The following PVT1 variants were observed in gnomAD, a reference collection of about 807,000 sequenced individuals.
The protein encoded by PVT1 is CXCR4/PVT1 fusion.
At chr8:128,048,085 C>G (rs894531256) in intron 4 of PVT1, among the ~76,000 whole-genome samples, 1 of 152,200 alleles carries the variant, frequency 6.6e-6, no homozygotes, top group African/African-American at 2.4e-5. Flanking sequence ...GTTACGTGAA[C>G]TTCTGCATTC....
chr8:127,894,859 A>G (rs935235727), intron 3 of PVT1, among the ~76,000 whole-genome samples: 1 of 152,210 alleles, frequency 6.6e-6, no homozygotes, highest in African/African-American at 2.4e-5. Flanking sequence ...CTTGAGTAGT[A>G]GCTCTGTGTC....
chr8:128,024,815 G>C (rs1257170988), intron 4 of PVT1, among the ~76,000 whole-genome samples: 1 of 152,090 alleles, frequency 6.6e-6, no homozygotes, highest in Non-Finnish European at 1.5e-5. Flanking sequence ...TTTGGGAAGA[G>C]GCCTGAGGGC....
At chr8:127,928,090 C>G (rs1816153816) in intron 3 of PVT1, among the ~76,000 whole-genome samples, 1 of 152,150 alleles carries the variant, frequency 6.6e-6, no homozygotes, top group African/African-American at 2.4e-5. Context: ...TTTTCCTAGG[C>G]CCATCTGTGT....
intron 3 of PVT1, among the ~76,000 whole-genome samples, chr8:127,894,455 G>A (rs113016295): frequency 0.027 from 4,128 of 152,244 alleles, 150 homozygotes; most frequent in African/African-American, 0.093. Context: ...AAGCTGCCAC[G>A]GTTACTGATG....
rs563452727 is a variant in PVT1, at chr8:127,814,393, G to A, written n.372+18322G>A. On this transcript the variant is annotated intron_variant and non_coding_transcript_variant, in intron 2 of 10. Transcript: ENST00000651587. Reference sequence around the variant, plus strand: ...GTGAGCCAGCCTTTCATGCATCCTTGTCTTTATTTCTTCCCCAGCTCAGGA... The same window carrying A: ...GTGAGCCAGCCTTTCATGCATCCTTATCTTTATTTCTTCCCCAGCTCAGGA... Among the ~76,000 whole-genome samples, 8 of 152,324 alleles carry A rather than the reference G, an allele frequency of 5.3e-5. No homozygotes were observed. In the East Asian group the frequency reaches 1.4e-3, roughly 26 times the overall value.
At chr8:127,981,363 G>A (rs552515429) in intron 3 of PVT1, among the ~76,000 whole-genome samples, 4 of 152,248 alleles carry the variant, frequency 2.6e-5, no homozygotes, top group South Asian at 2.1e-4. Context: ...AGTAGAGTTC[G>A]GCATTTTTTC....
chr8:127,893,683 C>G (rs1347567005), intron 3 of PVT1, among the ~76,000 whole-genome samples: 1 of 152,216 alleles, frequency 6.6e-6, no homozygotes, highest in Non-Finnish European at 1.5e-5. Context: ...TGCACATTCT[C>G]CCTTCTTGGC....
Position 127,976,716 on chromosome 8 carries a change from T to C in PVT1, n.783-12446T>C, listed in dbSNP as rs138117444. On this transcript the variant is annotated intron_variant and non_coding_transcript_variant, in intron 3 of 10. Transcript: ENST00000651587. ...GGGGCTCTGTATCCTTATCCCCATATCATATATCAGGTCTGAGCCTCAGGG... is the reference window on the plus strand; with the variant it reads ...GGGGCTCTGTATCCTTATCCCCATACCATATATCAGGTCTGAGCCTCAGGG... Among the ~76,000 whole-genome samples the C allele has an allele frequency of 7.4e-3, 1,123 of 152,214 alleles. 14 individuals are homozygous for C. Among genetic ancestry groups the C allele is most frequent in the Non-Finnish European group, 9.2e-3 (625 of 68,010 alleles).
chr8:127,911,058 T>A (rs1815891569), intron 3 of PVT1, among the ~76,000 whole-genome samples: 2 of 152,208 alleles, frequency 1.3e-5, no homozygotes, highest in South Asian at 4.1e-4. Flanking sequence ...AACTCAGTTC[T>A]GACAATCTGT....
At chr8:127,807,220 G>A (rs546622317) in intron 2 of PVT1, among the ~76,000 whole-genome samples, 7 of 152,272 alleles carry the variant, frequency 4.6e-5, no homozygotes, top group African/African-American at 1.7e-4. Context: ...AAAATGGGCT[G>A]GAAAGATCTA....
chr8:127,823,861 G>GCTCT (rs1814759537), intron 2 of PVT1, among the ~76,000 whole-genome samples: 1 of 152,222 alleles, frequency 6.6e-6, no homozygotes, highest in Non-Finnish European at 1.5e-5. Flanking sequence ...TTTGTGTTCA[G>GCTCT]CTCTCTCTTT....
In PVT1 at chr8:127,868,783, A is replaced by ACG. The variant is rs1563625657; in HGVS notation, n.373-21806_373-21805insCG. 6.7e-5 allele frequency among the ~76,000 whole-genome samples: 8 copies of ACG among 118,678 alleles called. 1 individual carries two copies. The highest frequency in any genetic ancestry group is 3.8e-3 in the Middle Eastern group (1 of 264). The allele number at this position is 118,678 out of a possible 152,430, so 77.9% of individuals were successfully genotyped here. On this transcript the variant is annotated intron_variant and non_coding_transcript_variant, in intron 2 of 10. Coordinates refer to ENST00000651587, the Ensembl canonical transcript of PVT1. ...CCTTCCTTTTAACATATATATATAT[A>ACG]TATATATATACATATATATGTACAT...
intron 2 of PVT1, among the ~76,000 whole-genome samples, chr8:127,845,050 G>A (rs1815016710): frequency 1.3e-5 from 2 of 152,224 alleles, no homozygotes; most frequent in African/African-American, 4.8e-5. Context: ...GCCTGGGACA[G>A]CGCCTGGAAC....
At position 128,028,570 on chromosome 8, in the gene PVT1, G is replaced by A. The variant is rs73357332; in HGVS notation, n.912+39279G>A. On this transcript the variant is annotated intron_variant and non_coding_transcript_variant, in intron 4 of 10. Transcript: ENST00000651587. The stretch of plus-strand genomic sequence containing the variant: ...CTTTGGCTTCAGATGAGTGTCGAGC[G>A]CCTCACTCTGCCATCTCTAGCTAGG... 1.4e-4 allele frequency among the ~76,000 whole-genome samples: 22 copies of A among 152,326 alleles called. 1 individual carries two copies. The South Asian group carries it at 3.5e-3, about 24-fold the overall frequency.
At chr8:127,908,843 C>A (rs1815856217) in intron 3 of PVT1, among the ~76,000 whole-genome samples, 1 of 152,190 alleles carries the variant, frequency 6.6e-6, no homozygotes, top group South Asian at 2.1e-4. Context: ...GGAGGTGAGG[C>A]AGCCATCATC....
intron 3 of PVT1, among the ~76,000 whole-genome samples, chr8:127,955,842 C>G (rs1816562613): frequency 6.6e-6 from 1 of 152,246 alleles, no homozygotes; most frequent in Non-Finnish European, 1.5e-5. Flanking sequence ...GCCTCGGCCT[C>G]CCAAAGTGCT....
At chr8:128,083,270 C>T (rs550930883) in intron 5 of PVT1, among the ~76,000 whole-genome samples, 12 of 152,294 alleles carry the variant, frequency 7.9e-5, no homozygotes, top group East Asian at 3.9e-4. Flanking sequence ...ATTAGAACAT[C>T]GCTTGGCGCA....
At chr8:127,926,997 C>G (rs1257743738) in intron 3 of PVT1, among the ~76,000 whole-genome samples, 1 of 152,200 alleles carries the variant, frequency 6.6e-6, no homozygotes, top group Non-Finnish European at 1.5e-5. Flanking sequence ...CCCGAACATC[C>G]TTTTCTGTGC....
chr8:127,819,661 C>T (rs543032580), intron 2 of PVT1, among the ~76,000 whole-genome samples: 18 of 152,158 alleles, frequency 1.2e-4, no homozygotes, highest in Non-Finnish European at 2.6e-4. Flanking sequence ...TAATGACACC[C>T]TCAGGCTACC....
Sources: allele counts gnomAD v4.1 joint callset (sites outside exome capture counted in the v4.1 genomes callset), GRCh38; gene constraint gnomAD v4.1.1; transcripts MANE v1.5; gene names NCBI Gene and HGNC (gene_info 2026-07-23, HGNC 2026-07-21).